The following SEC23B variants were observed in gnomAD, a reference collection of about 807,000 sequenced individuals.
SEC23B encodes the protein protein transport protein Sec23B.
In SEC23B, 77 loss-of-function variants were observed where a neutral mutation model predicts 104.3. The ratio of observed to expected loss-of-function variants is 0.74; its 90% CI spans 0.61 to 0.89. The LOEUF (loss-of-function observed/expected upper bound fraction) is 0.89, where lower values mean the gene tolerates loss of function less well. Among genes scored for constraint, SEC23B ranks in the 40% least tolerant of loss-of-function variants. The probability of loss-of-function intolerance (pLI) is 0.00; values close to 1 mark genes in which losing one functional copy is unlikely to be tolerated. For missense variants in SEC23B, 885 were observed against 949.4 expected (o/e 0.93, Z 0.89); for synonymous variants, 338 against 332.5 (o/e 1.02, Z -0.18).
At position 18,559,078 on chromosome 20, in the gene SEC23B, G is replaced by GT. The variant is rs1189005734; in HGVS notation, c.2215-1573_2215-1572insT. Among the ~76,000 whole-genome samples the GT allele has an allele frequency of 1.5e-4, 8 of 53,624 alleles. 1 individual carries two copies. Among genetic ancestry groups the GT allele is most frequent in the Admixed American group, 3.8e-4 (2 of 5,302 alleles). 35.2% of individuals were successfully genotyped at this position (53,624 alleles called of 152,430 possible). On this transcript the variant is annotated intron_variant, in intron 19 of 19. Coordinates refer to ENST00000650089, the MANE Select transcript of SEC23B (RefSeq NM_006363.6). Reference sequence around the variant, plus strand: ...CACTACTCTGACAGGGAAGGTGGTTGGTGGGGGGGGTGTCGGGGGCACTGG... The same window carrying GT: ...CACTACTCTGACAGGGAAGGTGGTTGTGTGGGGGGGGTGTCGGGGGCACTGG...
chr20:18,512,110 C>T, intron 2 of SEC23B, 115 bp from the exon 3 acceptor site: 2 of 681,944 alleles, frequency 2.9e-6, no homozygotes, highest in Non-Finnish European at 5.1e-6. Flanking sequence ...GAAACACTTA[C>T]TTGTGTGATT....
chr20:18,536,518 C>T (rs1194366724), intron 12 of SEC23B, among the ~76,000 whole-genome samples: 7 of 152,060 alleles, frequency 4.6e-5, no homozygotes, highest in Non-Finnish European at 8.8e-5. Context: ...TGGTGAAACC[C>T]TGTCTCTACT....
Position 18,530,800 on chromosome 20 carries a change from A to G in SEC23B, c.1230A>G (p.Val410=). The change falls in exon 10 of 20, where the codon GTA becomes GTG. Residue 410 remains valine, a synonymous_variant. Coordinates refer to ENST00000650089, the MANE Select transcript of SEC23B (RefSeq NM_006363.6). ...TGGCATTTGGTGCTACTTTGGACGT[A>G]AAGGTACGGTAAACTTTTTTTTTTT... ...FRMAFGATLD[V]KTSRELKIAG... The G allele has an allele frequency of 2.5e-6, 4 of 1,609,242 alleles. No individual in the cohort carries two copies. The highest frequency in any genetic ancestry group is 2.5e-6 in the Non-Finnish European group (3 of 1,177,598).
At chr20:18,536,554 T>C (rs1315786773) in intron 12 of SEC23B, among the ~76,000 whole-genome samples, 1 of 152,030 alleles carries the variant, frequency 6.6e-6, no homozygotes, top group African/African-American at 2.4e-5. Context: ...TAGCCAGGTG[T>C]GTTGGTGGGT....
intron 12 of SEC23B, among the ~76,000 whole-genome samples, chr20:18,538,007 G>A (rs1027201333): frequency 6.6e-6 from 1 of 152,012 alleles, no homozygotes. Flanking sequence ...ACCCAGGCAC[G>A]GTCTTGGCTC....
chr20:18,518,790 T>G (rs1163358788), intron 4 of SEC23B, among the ~76,000 whole-genome samples: 1 of 152,004 alleles, frequency 6.6e-6, no homozygotes, highest in African/African-American at 2.4e-5. Flanking sequence ...ATCTGATGCC[T>G]TTTGGTGGCC....
intron 12 of SEC23B, among the ~76,000 whole-genome samples, chr20:18,536,736 T>G (rs1298639522): frequency 6.6e-6 from 1 of 151,958 alleles, no homozygotes; most frequent in Non-Finnish European, 1.5e-5. Context: ...CCCCCAAAAC[T>G]TAACTACTAG....
intron 4 of SEC23B, among the ~76,000 whole-genome samples, chr20:18,522,783 C>T (rs1222831473): frequency 5.3e-5 from 8 of 152,058 alleles, no homozygotes; most frequent in Admixed American, 2.0e-4. Context: ...ATCGGCCGGG[C>T]GTGGTGGCTC....
intron 4 of SEC23B, chr20:18,516,059 A>G (rs1035820958): frequency 1.8e-4 from 56 of 315,178 alleles, no homozygotes; most frequent in Non-Finnish European, 2.7e-4. Context: ...TTCATGTTCC[A>G]TATCTAATTC....
chr20:18,511,134 T>A, intron 2 of SEC23B, 78 bp downstream of exon 2: 1 of 1,240,980 alleles, frequency 8.1e-7, no homozygotes, highest in Non-Finnish European at 1.2e-6. Context: ...TAAAAGTCAT[T>A]AAATTTGGGC....
chr20:18,543,694 AC>A (rs1038952068), intron 14 of SEC23B, among the ~76,000 whole-genome samples: 1 of 152,184 alleles, frequency 6.6e-6, no homozygotes, highest in African/African-American at 2.4e-5. Context: ...GAGATAGAGC[AC>A]CAAAGGAAGT....
intron 11 of SEC23B, among the ~76,000 whole-genome samples, chr20:18,535,233 G>A (rs6136400): frequency 0.7 from 98,608 of 141,530 alleles, 34,955 homozygotes; most frequent in Non-Finnish European, 0.8. Flanking sequence ...GTGTAAACCC[G>A]GAACGATGGG....
In SEC23B at chr20:18,560,789, T is replaced by C; in HGVS notation, c.*49T>C. On this transcript the variant is annotated 3_prime_UTR_variant, in exon 20 of 20. Coordinates refer to ENST00000650089, the MANE Select transcript of SEC23B (RefSeq NM_006363.6). ...CAACGGTGTCAGATTGTGTTCAAAA[T>C]GTCTAGAAAGGCTTGATAACATTCC... is the stretch of plus-strand genomic sequence containing the variant. 4 of 1,390,722 alleles carry C rather than the reference T, an allele frequency of 2.9e-6. No individual in the cohort carries two copies. The highest frequency in any genetic ancestry group is 4.1e-6 in the Non-Finnish European group (4 of 976,104). The allele number at this position is 1,390,722 out of a possible 1,614,324, so 86.1% of individuals were successfully genotyped here. A position where few individuals can be genotyped will look rare whatever the true frequency, so the allele number is the denominator to read the frequency against.
rs959879919 is a variant in SEC23B, at chr20:18,508,689, G to A, written c.-15+717G>A. ...GCAGGTCTTAGGCTGTACATGCTTG[G>A]AAACCATTAGATGGAGGCAGTAGCT... On this transcript the variant is annotated intron_variant, in intron 1 of 19. Coordinates refer to ENST00000650089, the MANE Select transcript of SEC23B (RefSeq NM_006363.6). Among the ~76,000 whole-genome samples the A allele has an allele frequency of 2.7e-3, 398 of 147,536 alleles. 4 individuals are homozygous for A. Among genetic ancestry groups the A allele is most frequent in the Non-Finnish European group, 2.8e-4 (19 of 66,940 alleles).
Position 18,526,404 on chromosome 20 carries a change from T to A in SEC23B, c.866T>A (p.Met289Lys). Residue 289 changes from methionine (M) to lysine (K), a missense_variant, in exon 8 of 20, where the codon ATG becomes AAG. Physicochemically the swap from Met to Lys is moderately conservative, Grantham distance 95. Coordinates refer to ENST00000650089, the MANE Select transcript of SEC23B (RefSeq NM_006363.6). The part of the protein sequence containing the change: ...GTFPNTGARI[M>K]LFTGGPPTQG... The stretch of plus-strand genomic sequence containing the variant: ...TTTCCAAACACAGGAGCCAGGATCA[T>A]GCTGTTTACTGGAGGTCCCCCTACC... 6.2e-7 allele frequency: 1 copy of A among 1,614,212 alleles called. No homozygotes were observed. The highest frequency in any genetic ancestry group is 8.5e-7 in the Non-Finnish European group (1 of 1,180,018).
At chr20:18,534,845 C>G (rs1282936045) in intron 11 of SEC23B, among the ~76,000 whole-genome samples, 1 of 152,104 alleles carries the variant, frequency 6.6e-6, no homozygotes, top group Non-Finnish European at 1.5e-5. Flanking sequence ...TCTAGAGGAG[C>G]CGTCCTGGGT....
intron 14 of SEC23B, among the ~76,000 whole-genome samples, chr20:18,544,123 G>A (rs1324941469): frequency 6.6e-6 from 1 of 152,168 alleles, no homozygotes; most frequent in Non-Finnish European, 1.5e-5. Context: ...GCAGGCAAAG[G>A]GGGTGAGTTT....
At chr20:18,521,928 A>T (rs1005536904) in intron 4 of SEC23B, among the ~76,000 whole-genome samples, 1 of 152,194 alleles carries the variant, frequency 6.6e-6, no homozygotes, top group East Asian at 1.9e-4. Flanking sequence ...TGTAGGATGG[A>T]GAAATCAAAA....
chr20:18,525,829 ATCT>A lies in SEC23B; in HGVS notation c.736_738del (p.Leu246del), dbSNP rs746666686. ...CACAAGATTGATATGAACCTCACTG[ATCT>A]TCTTGGGGAGCTACAGAGGGACCCA... On this transcript the variant is annotated inframe_deletion, in exon 7 of 20. Coordinates refer to ENST00000650089, the MANE Select transcript of SEC23B (RefSeq NM_006363.6). 1.4e-5 allele frequency: 23 copies of A among 1,614,178 alleles called. No individual in the cohort carries two copies. Among genetic ancestry groups the A allele is most frequent in the Admixed American group, 3.3e-5 (2 of 60,016 alleles).
Sources: allele counts gnomAD v4.1 joint callset (sites outside exome capture counted in the v4.1 genomes callset), GRCh38; gene constraint gnomAD v4.1.1; transcripts MANE v1.5; gene names NCBI Gene and HGNC (gene_info 2026-07-23, HGNC 2026-07-21).